TIPRL: variants seen among roughly 807,000 people sequenced by gnomAD.
TIPRL encodes TIP41-like protein.
TIPRL carries 10 observed loss-of-function variants against 32.3 expected under a neutral mutation model. The observed-to-expected ratio is 0.31, with a 90% CI of 0.19 to 0.52. The LOEUF (loss-of-function observed/expected upper bound fraction) is 0.52, where lower values mean the gene tolerates loss of function less well. Ranked by LOEUF, TIPRL falls within the 20% of genes least tolerant of loss-of-function variation. The pLI, the probability that TIPRL is intolerant of heterozygous loss-of-function variation, is 0.96. For missense variants in TIPRL, 250 were observed against 328.1 expected, an observed-to-expected ratio of 0.76 and a Z score of 1.84; for synonymous variants, 100 against 114.0, an observed-to-expected ratio of 0.88 and a Z score of 0.78.
intron 3 of TIPRL, among the ~76,000 whole-genome samples, chr1:168,185,361 G>A (rs1320993): frequency 0.28 from 43,129 of 152,022 alleles, 6,871 homozygotes; most frequent in Admixed American, 0.44. Flanking sequence ...AATAAATTGG[G>A]TAAACAGAAA....
rs1362457705 is a variant in TIPRL at position 168,201,340 on chromosome 1, G to A, written c.*1294G>A. 3 of 152,192 alleles carry A rather than the reference G, an allele frequency of 2.0e-5. No individual in the cohort carries two copies. The East Asian group carries it at 5.8e-4, about 29-fold the overall frequency. The allele number at this position is 152,192 out of a possible 1,614,324, so 9.4% of individuals were successfully genotyped here. A position where few individuals can be genotyped will look rare whatever the true frequency, so the allele number is the denominator to read the frequency against. On this transcript the variant is annotated 3_prime_UTR_variant, in exon 7 of 7. Coordinates refer to ENST00000367833, the MANE Select transcript of TIPRL (RefSeq NM_152902.5). The stretch of plus-strand genomic sequence containing the variant: ...ATTAAGTAAGAATATTTGATTTAAA[G>A]TATTAGCCAACCTCTTCAGGTATTA...
At chr1:168,184,143 ACTTG>A in intron 2 of TIPRL, 62 bp downstream of exon 2, 3 of 1,461,306 alleles carry the variant, frequency 2.1e-6, no homozygotes, top group Admixed American at 2.0e-5. Flanking sequence ...AAGAGAAAAG[ACTTG>A]AAAAAATATT....
At chr1:168,192,695 G>A (rs907186295) in intron 4 of TIPRL, among the ~76,000 whole-genome samples, 2 of 152,168 alleles carry the variant, frequency 1.3e-5, no homozygotes, top group South Asian at 2.1e-4. Context: ...TCAGGAGATC[G>A]AGACCATGGT....
intron 6 of TIPRL, among the ~76,000 whole-genome samples, chr1:168,199,512 A>G (rs2072778): frequency 0.26 from 39,113 of 151,964 alleles, 5,539 homozygotes; most frequent in Admixed American, 0.43. Flanking sequence ...CACGCTTAGT[A>G]TGTACTTCTG....
At chr1:168,179,775 A>C (rs148156100) in intron 1 of TIPRL, among the ~76,000 whole-genome samples, 453 of 152,212 alleles carry the variant, frequency 3.0e-3, no homozygotes, top group South Asian at 0.019. Flanking sequence ...GGGGCGGTGG[A>C]TAGGTACATG....
At chr1:168,191,858 C>CAAA (rs60988834) in intron 4 of TIPRL, among the ~76,000 whole-genome samples, 176 of 38,024 alleles carry the variant, frequency 4.6e-3, no homozygotes, top group Non-Finnish European at 6.4e-3. Context: ...GGCGACAGAG[C>CAAA]AAAAAAAAAA....
rs575319031 is a variant in TIPRL, at chr1:168,192,333, G to A, written c.516+833G>A. On this transcript the variant is annotated intron_variant, in intron 4 of 6. Coordinates refer to ENST00000367833, the MANE Select transcript of TIPRL (RefSeq NM_152902.5). ...TGCACTCCAGCCCTCCAGCCTGGGCGACAGAGCAAGACTCCGTCTCAAAAA... is the reference window on the plus strand; with the variant it reads ...TGCACTCCAGCCCTCCAGCCTGGGCAACAGAGCAAGACTCCGTCTCAAAAA... 5.5e-4 allele frequency: 542 copies of A among 992,330 alleles called. 2 individuals carry two copies. In the Middle Eastern group the frequency reaches 0.011, roughly 20 times the overall value. The allele number at this position is 992,330 out of a possible 1,614,324, so 61.5% of individuals were successfully genotyped here.
At chr1:168,183,307 T>G (rs1431160537) in intron 1 of TIPRL, among the ~76,000 whole-genome samples, 1 of 152,078 alleles carries the variant, frequency 6.6e-6, no homozygotes, top group Non-Finnish European at 1.5e-5. Context: ...CTTGGAATTA[T>G]TCTTTAGTAC....
intron 1 of TIPRL, among the ~76,000 whole-genome samples, chr1:168,181,527 T>C (rs116471529): frequency 0.014 from 2,060 of 151,510 alleles, 41 homozygotes; most frequent in African/African-American, 0.047. Flanking sequence ...TCCATATAAC[T>C]TTCTGTGACA....
Position 168,179,061 on chromosome 1 carries a change from CG to C in TIPRL, c.-14del. 1 of 1,610,472 alleles carries C rather than the reference CG, an allele frequency of 6.2e-7. No homozygotes were observed. The highest frequency in any genetic ancestry group is 1.1e-5 in the South Asian group (1 of 90,802). On this transcript the variant is annotated 5_prime_UTR_variant, in exon 1 of 7. Transcript: ENST00000367833. ...TTCAGCTTATTCCTTGTGGCCTCTG[CG>C]GGTCCTGCCTCAGCCATGATGATCC...
At position 168,179,099 on chromosome 1, in the gene TIPRL, A is replaced by T. The variant is rs772353524; in HGVS notation, c.22A>T (p.Ser8Cys). 2.5e-6 allele frequency: 4 copies of T among 1,613,676 alleles called. No homozygotes were observed. Among genetic ancestry groups the T allele is most frequent in the Non-Finnish European group, 3.4e-6 (4 of 1,179,810 alleles). The change falls in exon 1 of 7, where the codon AGC (serine) becomes TGC (cysteine). Residue 8 changes from serine to cysteine, a missense_variant. By Grantham distance (112) the Ser-to-Cys change is moderately radical. Transcript: ENST00000367833. MMIHGFQ[S>C]SHRDFCFGPW... Reference sequence around the variant, plus strand: ...AGCCATGATGATCCACGGCTTCCAGAGCAGCCACCGGGATTTCTGCTTCGG... The same window carrying T: ...AGCCATGATGATCCACGGCTTCCAGTGCAGCCACCGGGATTTCTGCTTCGG...
intron 4 of TIPRL, chr1:168,192,108 T>C (rs1700106270): frequency 8.0e-7 from 1 of 1,249,908 alleles, no homozygotes; most frequent in Non-Finnish European, 1.0e-6. Context: ...TTAAAAATGA[T>C]GTTGATAGGA....
chr1:168,182,355 G>A (rs766696490), intron 1 of TIPRL, among the ~76,000 whole-genome samples: 6 of 152,158 alleles, frequency 3.9e-5, no homozygotes, highest in Non-Finnish European at 7.4e-5. Flanking sequence ...GCCGGGCGCG[G>A]TGACTCACGC....
At chr1:168,185,955 G>T (rs1234082378) in intron 3 of TIPRL, among the ~76,000 whole-genome samples, 1 of 138,644 alleles carries the variant, frequency 7.2e-6, no homozygotes, top group Non-Finnish European at 1.6e-5. Flanking sequence ...CATGCCTGTA[G>T]TCCCAGCTAC....
chr1:168,198,785 G>C, intron 5 of TIPRL, 134 bp from the exon 6 acceptor site: 1 of 710,628 alleles, frequency 1.4e-6, no homozygotes, highest in Non-Finnish European at 2.4e-6. Context: ...TCTCAGTGTA[G>C]AACAAGATGT....
intron 3 of TIPRL, among the ~76,000 whole-genome samples, chr1:168,186,087 A>T (rs1417990439): frequency 1.3e-5 from 2 of 150,478 alleles, no homozygotes; most frequent in Non-Finnish European, 3.0e-5. Context: ...AAAAAAAAAA[A>T]AAAAAAAAAA....
intron 3 of TIPRL, among the ~76,000 whole-genome samples, chr1:168,187,933 C>T (rs1158978231): frequency 6.6e-6 from 1 of 152,186 alleles, no homozygotes; most frequent in Non-Finnish European, 1.5e-5. Context: ...GATTGTGCCA[C>T]TGTACTCCAG....
chr1:168,188,983 G>GA (rs11445431), intron 3 of TIPRL, among the ~76,000 whole-genome samples: 20,574 of 145,048 alleles, frequency 0.14, 1,716 homozygotes, highest in South Asian at 0.25. Context: ...TCTGTCTCAA[G>GA]AAAAAAAAAA....
intron 1 of TIPRL, among the ~76,000 whole-genome samples, chr1:168,182,010 G>A (rs1000467935): frequency 3.3e-5 from 5 of 151,602 alleles, no homozygotes; most frequent in African/African-American, 9.7e-5. Context: ...GTTGCAGTAC[G>A]CTGAGATCGT....
Sources: allele counts gnomAD v4.1 joint callset (sites outside exome capture counted in the v4.1 genomes callset), GRCh38; gene constraint gnomAD v4.1.1; transcripts MANE v1.5; gene names NCBI Gene and HGNC (gene_info 2026-07-23, HGNC 2026-07-21).